The following NFRKB variants were observed in gnomAD, a reference collection of about 807,000 sequenced individuals.
NFRKB encodes the protein nuclear factor related to kappaB binding protein.
Under a neutral mutation model 135.7 loss-of-function variants are expected in NFRKB, and 62 were observed. That is an observed-to-expected ratio of 0.46 (90% CI 0.37 to 0.56). NFRKB has a LOEUF of 0.56. Ranked by LOEUF, NFRKB falls within the 20% of genes least tolerant of loss-of-function variation. NFRKB has a pLI of 0.00. For synonymous variants in NFRKB, 678 were observed against 635.6 expected (o/e 1.07, Z -1.00); for missense variants, 1,545 against 1,662.0 (o/e 0.93, Z 1.22).
rs1231020991 is a variant in NFRKB, at chr11:129,864,119, A to G, written c.*606T>C. 1 of 152,264 alleles carries G rather than the reference A, an allele frequency of 6.6e-6. No individual in the cohort carries two copies. The highest frequency in any genetic ancestry group is 2.4e-5 in the African/African-American group (1 of 41,452). The allele number at this position is 152,264 out of a possible 1,614,324, so 9.4% of individuals were successfully genotyped here. A position where few individuals can be genotyped will look rare whatever the true frequency, so the allele number is the denominator to read the frequency against. On this transcript the variant is annotated 3_prime_UTR_variant, in exon 27 of 27. Transcript: ENST00000682444. ...TGCCTACGATGAATTCCCATCTTAC[A>G]GCCTCTCGATTACTATGCAGTTACC...
Position 129,869,820 on chromosome 11 carries a change from C to T in NFRKB, c.3205G>A (p.Ala1069Thr). 3.7e-6 allele frequency: 6 copies of T among 1,614,270 alleles called. No homozygotes were observed. The highest frequency in any genetic ancestry group is 5.1e-6 in the Non-Finnish European group (6 of 1,180,054). Residue 1069 changes from alanine (A) to threonine (T), a missense_variant, in exon 24 of 27, where the codon GCT (alanine) becomes ACT (threonine). This residue lies in a region of NFRKB where 753 missense variants were observed against 804.3 expected (regional missense o/e 0.94). Coordinates refer to ENST00000682444, the MANE Select transcript of NFRKB (RefSeq NM_001143835.2). Reference sequence around the variant, plus strand: ...ACTGTGCTTTTTCCCTTCTGGTCAGCCACACTCACGCCAAGAGCTGGCATC... The same window carrying T: ...ACTGTGCTTTTTCCCTTCTGGTCAGTCACACTCACGCCAAGAGCTGGCATC... ...RLMPALGVSV[A>T]DQKGKSTVAS...
At chr11:129,885,637 G>A (rs376742690) in intron 5 of NFRKB, 28 bp from the exon 6 acceptor site, 12 of 1,582,008 alleles carry the variant, frequency 7.6e-6, no homozygotes, top group African/African-American at 1.3e-5. Flanking sequence ...GGGGGTACAA[G>A]TCATCATCCA....
intron 5 of NFRKB, 74 bp from the exon 6 acceptor site, chr11:129,885,683 T>C: frequency 2.1e-6 from 3 of 1,403,938 alleles, no homozygotes; most frequent in Non-Finnish European, 2.8e-6. Flanking sequence ...TCTACAAGTC[T>C]ACATTTTCTT....
In NFRKB at chr11:129,885,568, G is replaced by A. The variant is rs750016666; in HGVS notation, c.507C>T (p.Pro169=). 1.2e-6 allele frequency: 2 copies of A among 1,613,796 alleles called. No homozygotes were observed. Among genetic ancestry groups the A allele is most frequent in the South Asian group, 2.2e-5 (2 of 91,056 alleles). ...ATGGTGAAGGGCGTTTCTGCCGGAA[G>A]GGAAGGGCGGGGCCACTCCGCCGGG... ...EMARRSGPAL[P]FRQKRPSPSR... is the part of the protein sequence containing the mutation. The change falls in exon 6 of 27, where the codon CCC becomes CCT. Residue 169 remains proline (P), a synonymous_variant. Coordinates refer to ENST00000682444, the MANE Select transcript of NFRKB (RefSeq NM_001143835.2).
chr11:129,881,353 G>T, intron 13 of NFRKB, 90 bp downstream of exon 13: 1 of 1,309,066 alleles, frequency 7.6e-7, no homozygotes, highest in Non-Finnish European at 1.1e-6. Context: ...AAACCAATCT[G>T]CAGGACTATA....
intron 23 of NFRKB, chr11:129,872,491 G>A (rs752364174): frequency 1.2e-5 from 2 of 171,044 alleles, no homozygotes; most frequent in African/African-American, 4.8e-5. Context: ...TACTGCTTAC[G>A]ATTCTTTGAA....
chr11:129,894,839 A>G (rs951689666), intron 1 of NFRKB, among the ~76,000 whole-genome samples: 1 of 152,222 alleles, frequency 6.6e-6, no homozygotes. Flanking sequence ...AACCTTCTTA[A>G]CAGAACTGGC....
intron 3 of NFRKB, among the ~76,000 whole-genome samples, chr11:129,891,492 A>C (rs1949557535): frequency 6.6e-6 from 1 of 152,196 alleles, no homozygotes. Flanking sequence ...GATGAGGGGA[A>C]GCCATGGGGC....
chr11:129,884,645 TGGTA>T, intron 7 of NFRKB, 96 bp downstream of exon 7: 2 of 1,350,876 alleles, frequency 1.5e-6, no homozygotes, highest in South Asian at 2.6e-5. Context: ...TTTGTTTTCC[TGGTA>T]GGTAGGAATC....
In NFRKB at chr11:129,864,505, G is replaced by A; in HGVS notation, c.*220C>T. On this transcript the variant is annotated 3_prime_UTR_variant, in exon 27 of 27. Transcript: ENST00000682444. ...AACAGAATATTCTCCTAGATTGGTAGAGAGCAGACCTTGGAACCCTGGAGT... is the reference window on the plus strand; with the variant it reads ...AACAGAATATTCTCCTAGATTGGTAAAGAGCAGACCTTGGAACCCTGGAGT... 1 of 552,664 alleles carries A rather than the reference G, an allele frequency of 1.8e-6. No individual in the cohort carries two copies. The highest frequency in any genetic ancestry group is 3.1e-5 in the Admixed American group (1 of 32,124). 34.2% of individuals were successfully genotyped at this position (552,664 alleles called of 1,614,324 possible).
intron 3 of NFRKB, among the ~76,000 whole-genome samples, chr11:129,889,953 T>TGTGG (rs1949468009): frequency 7.4e-6 from 1 of 135,444 alleles, no homozygotes; most frequent in Non-Finnish European, 1.5e-5. Flanking sequence ...TTGTCTTACG[T>TGTGG]GTGTGTGTGT....
intron 23 of NFRKB, chr11:129,872,632 T>A: frequency 2.6e-6 from 1 of 378,394 alleles, no homozygotes. Context: ...GAACAGTCTA[T>A]TCTAAATCCA....
intron 13 of NFRKB, among the ~76,000 whole-genome samples, chr11:129,880,734 G>A (rs1040443286): frequency 2.0e-5 from 3 of 152,138 alleles, no homozygotes; most frequent in Non-Finnish European, 4.4e-5. Context: ...TACGAGAGGA[G>A]CACACTGTCT....
Position 129,865,079 on chromosome 11 carries a change from T to C in NFRKB, c.3661A>G (p.Ile1221Val), listed in dbSNP as rs777495043. 2.7e-5 allele frequency: 43 copies of C among 1,610,840 alleles called. No individual in the cohort carries two copies. The highest frequency in any genetic ancestry group is 3.4e-5 in the Non-Finnish European group (40 of 1,178,754). The change falls in exon 26 of 27, where the codon ATC becomes GTC. Residue 1221 changes from isoleucine (I) to valine (V), a missense_variant. Coordinates refer to ENST00000682444, the MANE Select transcript of NFRKB (RefSeq NM_001143835.2). The stretch of plus-strand genomic sequence containing the variant: ...CCTGCTGGCATAGTTGTGAGGATGA[T>C]GTTGCGGCCCAACCCACTGAGGCTG... ...GANLSGLGRN[I>V]ILTTMPAGTK...
chr11:129,883,271 G>T, intron 8 of NFRKB, 65 bp from the exon 9 acceptor site: 2 of 1,168,550 alleles, frequency 1.7e-6, no homozygotes, highest in Non-Finnish European at 1.3e-6. Flanking sequence ...AGGTGACTTT[G>T]CCAATTTATG....
intron 25 of NFRKB, 102 bp from the exon 26 acceptor site, chr11:129,865,203 T>C (rs1450420655): frequency 1.4e-6 from 2 of 1,383,550 alleles, no homozygotes; most frequent in Non-Finnish European, 2.0e-6. Flanking sequence ...TCTGTGCCAA[T>C]GAAAATCCCA....
At chr11:129,872,313 T>C (rs1948550328) in intron 23 of NFRKB, among the ~76,000 whole-genome samples, 1 of 151,888 alleles carries the variant, frequency 6.6e-6, no homozygotes, top group African/African-American at 2.4e-5. Context: ...TAATGTTTGT[T>C]GAACAAAAAA....
At chr11:129,884,674 T>G in intron 7 of NFRKB, 71 bp downstream of exon 7, 13 of 1,553,782 alleles carry the variant, frequency 8.4e-6, no homozygotes, top group Non-Finnish European at 1.1e-5. Context: ...CCCACCCACC[T>G]CCCTCTAAAG....
At chr11:129,893,115 T>C (rs998714040) in intron 2 of NFRKB, 6 of 1,366,480 alleles carry the variant, frequency 4.4e-6, no homozygotes, top group Non-Finnish European at 5.7e-6. Context: ...AATTCATAAA[T>C]TTCATATGCC....
Sources: allele counts gnomAD v4.1 joint callset (sites outside exome capture counted in the v4.1 genomes callset), GRCh38; gene constraint gnomAD v4.1.1; regional missense constraint gnomAD v4.1.1; transcripts MANE v1.5; gene names NCBI Gene and HGNC (gene_info 2026-07-23, HGNC 2026-07-21).